The following ADD3 variants were observed in gnomAD, a reference collection of about 807,000 sequenced individuals.
The protein encoded by ADD3 is gamma-adducin.
ADD3 carries 25 observed loss-of-function variants against 80.2 expected under a neutral mutation model. The ratio of observed to expected loss-of-function variants is 0.31; its 90% CI spans 0.23 to 0.44. The LOEUF is 0.44. Among genes scored for constraint, ADD3 ranks in the 20% least tolerant of loss-of-function variants. ADD3 has a pLI of 1.00. For synonymous variants in ADD3, 284 were observed against 289.6 expected (o/e 0.98, Z 0.20); for missense variants, 829 against 847.5 (o/e 0.98, Z 0.27).
At chr10:110,030,683 A>G (rs1854899646) in intron 1 of ADD3, among the ~76,000 whole-genome samples, 2 of 151,650 alleles carry the variant, frequency 1.3e-5, no homozygotes, top group African/African-American at 4.8e-5. Context: ...GCTAGTCCTA[A>G]TTGAGATGTG....
chr10:110,024,893 T>C (rs909224051), intron 1 of ADD3, among the ~76,000 whole-genome samples: 1 of 151,898 alleles, frequency 6.6e-6, no homozygotes, highest in East Asian at 1.9e-4. Context: ...GAAAAGTAAG[T>C]TGTCACCCCC....
intron 1 of ADD3, among the ~76,000 whole-genome samples, chr10:110,093,550 G>A (rs1157857131): frequency 6.6e-6 from 1 of 152,194 alleles, no homozygotes; most frequent in Non-Finnish European, 1.5e-5. Context: ...CAGGTAAAGA[G>A]TTAAGACTTC....
At chr10:110,097,994 C>G (rs1848375750) in intron 1 of ADD3, among the ~76,000 whole-genome samples, 1 of 152,108 alleles carries the variant, frequency 6.6e-6, no homozygotes, top group Non-Finnish European at 1.5e-5. Context: ...CCAGGATGGT[C>G]TCGATCTCCT....
intron 1 of ADD3, among the ~76,000 whole-genome samples, chr10:109,998,663 A>G (rs1433325600): frequency 6.6e-6 from 1 of 152,118 alleles, no homozygotes; most frequent in Non-Finnish European, 1.5e-5. Flanking sequence ...CTTCAGTCAC[A>G]GTGTTTGACC....
chr10:110,098,529 T>G (rs1848435365), intron 1 of ADD3, among the ~76,000 whole-genome samples: 1 of 152,350 alleles, frequency 6.6e-6, no homozygotes, highest in Admixed American at 6.5e-5. Context: ...AAGCCTTCTA[T>G]CTAAACTAAG....
intron 12 of ADD3, among the ~76,000 whole-genome samples, chr10:110,127,297 T>G (rs1852297118): frequency 6.6e-6 from 1 of 152,204 alleles, no homozygotes; most frequent in African/African-American, 2.4e-5. Context: ...GTACATTGGC[T>G]TAGTTCTTCC....
intron 1 of ADD3, among the ~76,000 whole-genome samples, chr10:110,049,759 C>T (rs1443458131): frequency 4.6e-5 from 7 of 151,958 alleles, no homozygotes; most frequent in East Asian, 1.9e-4. Context: ...TTGTGGCAGG[C>T]GCCTGTAGTC....
chr10:110,007,968 C>T (rs1427350018), upstream of ADD3: 1 of 152,018 alleles, frequency 6.6e-6, no homozygotes, highest in South Asian at 2.1e-4. Context: ...TCGAGGGGCG[C>T]TCGGCTAGTC....
chr10:110,000,499 G>A (rs908890632), intron 1 of ADD3, among the ~76,000 whole-genome samples: 2 of 152,194 alleles, frequency 1.3e-5, no homozygotes, highest in Non-Finnish European at 2.9e-5. Context: ...CACCTACTAT[G>A]TGCCATGCTC....
chr10:110,079,783 C>T (rs985643951), intron 1 of ADD3, among the ~76,000 whole-genome samples: 1 of 152,090 alleles, frequency 6.6e-6, no homozygotes, highest in South Asian at 2.1e-4. Flanking sequence ...TCAAGTGATC[C>T]ACCTGCCTCA....
At chr10:110,100,575 G>T in intron 1 of ADD3, 50 bp from the exon 2 acceptor site, 1 of 1,260,416 alleles carries the variant, frequency 7.9e-7, no homozygotes. Context: ...TGTAAATTTT[G>T]AATTTAATGA....
upstream of ADD3, among the ~76,000 whole-genome samples, chr10:110,005,327 TG>T (rs1851583747): frequency 6.6e-6 from 1 of 152,338 alleles, no homozygotes; most frequent in East Asian, 1.9e-4. Context: ...CCCAAAGTGC[TG>T]GGATTACAGG....
chr10:109,999,735 A>G (rs913819612), intron 1 of ADD3, among the ~76,000 whole-genome samples: 1 of 152,140 alleles, frequency 6.6e-6, no homozygotes, highest in African/African-American at 2.4e-5. Context: ...TAATAAAACT[A>G]TCATATCTTA....
In ADD3 at chr10:110,130,273, T is replaced by C. The variant is rs1237212575; in HGVS notation, c.1609-90T>C. The C allele has an allele frequency of 7.0e-6, 9 of 1,287,092 alleles. No homozygotes were observed. The African/African-American group carries it at 1.3e-4, about 19-fold the overall frequency. 79.7% of individuals were successfully genotyped at this position (1,287,092 alleles called of 1,614,324 possible). A position where few individuals can be genotyped will look rare whatever the true frequency, so the allele number is the denominator to read the frequency against. On this transcript the variant is annotated intron_variant, in intron 12 of 14. Coordinates refer to ENST00000356080, the MANE Select transcript of ADD3 (RefSeq NM_016824.5). ...GAAATAAGGCTTCACAAACATCATA[T>C]TTGCATTTATGTGTATATAGATGGA...
chr10:110,058,093 C>T (rs1357559235), intron 1 of ADD3, among the ~76,000 whole-genome samples: 2 of 140,610 alleles, frequency 1.4e-5, no homozygotes, highest in African/African-American at 4.9e-5. Flanking sequence ...TTATTTTCTC[C>T]TTTATCTCCT....
At chr10:110,114,302 TG>T (rs1290816922) in intron 3 of ADD3, among the ~76,000 whole-genome samples, 11 of 152,376 alleles carry the variant, frequency 7.2e-5, no homozygotes, top group Admixed American at 2.0e-4. Flanking sequence ...TGCTATTTTT[TG>T]TGGCTTATGT....
chr10:110,127,342 G>C (rs2134201255), intron 12 of ADD3, among the ~76,000 whole-genome samples: 1 of 152,268 alleles, frequency 6.6e-6, no homozygotes, highest in African/African-American at 2.4e-5. Flanking sequence ...GTCCCGGCTG[G>C]GTGCAGTGGC....
intron 1 of ADD3, among the ~76,000 whole-genome samples, chr10:110,087,924 G>C (rs1294891059): frequency 2.0e-5 from 3 of 152,164 alleles, no homozygotes; most frequent in Admixed American, 1.3e-4. Context: ...GGTTCATTCT[G>C]AGGGGTCTGA....
At position 110,008,688 on chromosome 10, in the gene ADD3, G is replaced by A. The variant is rs1017209519; in HGVS notation, c.-30+389G>A. 7.9e-4 allele frequency among the ~76,000 whole-genome samples: 120 copies of A among 152,346 alleles called. 1 individual carries two copies. The highest frequency in any genetic ancestry group is 2.8e-3 in the African/African-American group (116 of 41,590). On this transcript the variant is annotated intron_variant, in intron 1 of 14. Transcript: ENST00000356080. ...CCCGGGGACCTTAAGCCCTGAAGGT[G>A]CGCTCCAGGGGAGTGAGAGGTTCCT...
Sources: allele counts gnomAD v4.1 joint callset (sites outside exome capture counted in the v4.1 genomes callset), GRCh38; gene constraint gnomAD v4.1.1; transcripts MANE v1.5; gene names NCBI Gene and HGNC (gene_info 2026-07-23, HGNC 2026-07-21).